VWA8: variants seen among roughly 807,000 people sequenced by gnomAD.
VWA8 encodes the protein von Willebrand factor A domain-containing protein 8.
VWA8 carries 221 observed loss-of-function variants against 241.5 expected under a neutral mutation model. That is an observed-to-expected ratio of 0.91 (90% CI 0.82 to 1.02). The LOEUF is 1.02. Among genes scored for constraint, VWA8 ranks in the 50% least tolerant of loss-of-function variants. The probability of loss-of-function intolerance (pLI) is 0.00; values close to 1 mark genes in which losing one functional copy is unlikely to be tolerated. For missense variants in VWA8, 2,322 were observed against 2,328.7 expected (o/e 1.00, Z 0.06); for synonymous variants, 852 against 827.1 (o/e 1.03, Z -0.52).
intron 12 of VWA8, among the ~76,000 whole-genome samples, chr13:41,852,237 T>C (rs140505772): frequency 4.6e-5 from 7 of 152,332 alleles, no homozygotes; most frequent in Middle Eastern, 3.4e-3. Context: ...AACAAGTATA[T>C]TTTAAAATGC....
chr13:41,721,287 A>T (rs2045387903), intron 25 of VWA8, 83 bp downstream of exon 25: 8 of 1,393,636 alleles, frequency 5.7e-6, no homozygotes, highest in Non-Finnish European at 7.9e-6. Flanking sequence ...TATGGAAATT[A>T]AAAACTCTGG....
At chr13:41,644,179 C>A (rs1201640080) in intron 37 of VWA8, among the ~76,000 whole-genome samples, 1 of 151,598 alleles carries the variant, frequency 6.6e-6, no homozygotes, top group African/African-American at 2.4e-5. Context: ...CAAGGTGAAC[C>A]CTCTTAGCTT....
At chr13:41,833,259 G>T in intron 13 of VWA8, 112 bp downstream of exon 13, 2 of 1,256,794 alleles carry the variant, frequency 1.6e-6, no homozygotes, top group Non-Finnish European at 1.0e-6. Context: ...GATTTTTCAG[G>T]ATCTACACAA....
chr13:41,737,212 T>C (rs942083835), intron 21 of VWA8, among the ~76,000 whole-genome samples: 8 of 152,244 alleles, frequency 5.3e-5, no homozygotes, highest in African/African-American at 1.7e-4. Flanking sequence ...CCTAACATCA[T>C]TGACTGAGAG....
chr13:41,717,139 C>T (rs976870239), intron 26 of VWA8, among the ~76,000 whole-genome samples: 5 of 151,856 alleles, frequency 3.3e-5, no homozygotes, highest in African/African-American at 1.2e-4. Flanking sequence ...ATTGCATATT[C>T]TGGCCTGGCC....
At chr13:41,784,725 TATATACACAC>T (rs367717341) in intron 18 of VWA8, among the ~76,000 whole-genome samples, 35 of 59,856 alleles carry the variant, frequency 5.8e-4, no homozygotes, top group East Asian at 1.1e-3. Context: ...TATATATATA[TATATACACAC>T]ACATATATAT....
Position 41,960,991 on chromosome 13 carries a change from C to A in VWA8, c.25G>T (p.Gly9Trp), listed in dbSNP as rs773219232. 1 of 1,395,584 alleles carries A rather than the reference C, an allele frequency of 7.2e-7. No homozygotes were observed. The highest frequency in any genetic ancestry group is 3.0e-5 in the East Asian group (1 of 32,804). The allele number at this position is 1,395,584 out of a possible 1,614,324, so 86.5% of individuals were successfully genotyped here. A position where few individuals can be genotyped will look rare whatever the true frequency, so the allele number is the denominator to read the frequency against. The change falls in exon 1 of 45, where the codon GGG becomes TGG. Residue 9 changes from glycine to tryptophan, a missense_variant. Coordinates refer to ENST00000379310, the MANE Select transcript of VWA8 (RefSeq NM_015058.2). The part of the protein sequence containing the change: MQSRLLLL[G>W]APGGHGGPAS... ...GGGCCGCCGTGGCCTCCGGGTGCCCCGAGGAGTAGAAGCCGGGATTGCATG... is the reference window on the plus strand; with the variant it reads ...GGGCCGCCGTGGCCTCCGGGTGCCCAGAGGAGTAGAAGCCGGGATTGCATG...
At chr13:41,933,443 T>C (rs1877215460) in intron 2 of VWA8, among the ~76,000 whole-genome samples, 1 of 152,110 alleles carries the variant, frequency 6.6e-6, no homozygotes, top group African/African-American at 2.4e-5. Context: ...GCTTTTTTGT[T>C]GTTTTATAAA....
In VWA8 at chr13:41,787,369, AATAAACAGCAT is replaced by A. The variant is rs569684313; in HGVS notation, c.2170+57_2170+67del. 4.2e-3 allele frequency: 5,422 copies of A among 1,299,348 alleles called. 22 individuals carry two copies. The highest frequency in any genetic ancestry group is 8.8e-3 in the Middle Eastern group (44 of 4,978). The allele number at this position is 1,299,348 out of a possible 1,614,324, so 80.5% of individuals were successfully genotyped here. On this transcript the variant is annotated intron_variant, in intron 18 of 44. Transcript: ENST00000379310. Reference sequence around the variant, plus strand: ...AACTGTTTATTTTAACTGGAATTAAAATAAACAGCATCAAATGTTTGTTAATTATTATTTCA... The same window carrying A: ...AACTGTTTATTTTAACTGGAATTAAACAAATGTTTGTTAATTATTATTTCA...
At position 41,833,458 on chromosome 13, in the gene VWA8, G is replaced by A. The variant is rs1871568456; in HGVS notation, c.1499C>T (p.Pro500Leu). ...PNGDTAWRSS[P>L]LVNAALEGKL... ...GCCTTCCAGAGCAGCATTCACAAGG[G>A]GTGAGGACCGCCAGGCAGTGTCTCC... Residue 500 changes from proline (P) to leucine (L), a missense_variant, in exon 13 of 45, where the codon CCC becomes CTC. Transcript: ENST00000379310. 6.2e-7 allele frequency: 1 copy of A among 1,613,950 alleles called. No individual in the cohort carries two copies. The highest frequency in any genetic ancestry group is 2.2e-5 in the East Asian group (1 of 44,858).
chr13:41,893,808 C>T (rs1874969477), intron 4 of VWA8, among the ~76,000 whole-genome samples: 1 of 152,128 alleles, frequency 6.6e-6, no homozygotes, highest in Non-Finnish European at 1.5e-5. Context: ...GACTTGAACC[C>T]AGGAGGCAGA....
chr13:41,957,419 T>C (rs955044111), intron 1 of VWA8, among the ~76,000 whole-genome samples: 1 of 152,148 alleles, frequency 6.6e-6, no homozygotes. Flanking sequence ...TCTTCATAAA[T>C]TACCCAGTCT....
intron 4 of VWA8, among the ~76,000 whole-genome samples, chr13:41,900,575 G>C (rs936899818): frequency 7.2e-5 from 11 of 152,134 alleles, no homozygotes; most frequent in Admixed American, 7.2e-4. Flanking sequence ...CTTCTGATTT[G>C]ATATAAGACC....
At chr13:41,801,547 C>T (rs893267883) in intron 17 of VWA8, among the ~76,000 whole-genome samples, 10 of 152,008 alleles carry the variant, frequency 6.6e-5, no homozygotes, top group Non-Finnish European at 1.5e-4. Flanking sequence ...TGAAAAGAGA[C>T]GAAATCTTTG....
intron 21 of VWA8, among the ~76,000 whole-genome samples, chr13:41,739,353 G>T (rs890655311): frequency 2.0e-5 from 3 of 152,126 alleles, no homozygotes; most frequent in Non-Finnish European, 2.9e-5. Context: ...AAACCTACCA[G>T]GGGAGTCACG....
At chr13:41,683,303 A>G (rs1280745831) in intron 35 of VWA8, among the ~76,000 whole-genome samples, 2 of 152,198 alleles carry the variant, frequency 1.3e-5, no homozygotes, top group African/African-American at 4.8e-5. Context: ...AAATAAATAA[A>G]TAAATGATTC....
chr13:41,830,471 A>G (rs1871398180), intron 14 of VWA8, 58 bp downstream of exon 14: 1 of 1,382,116 alleles, frequency 7.2e-7, no homozygotes, highest in African/African-American at 1.5e-5. Flanking sequence ...AAATCATAAA[A>G]AGTATTATTT....
At chr13:41,857,182 A>C (rs1488354829) in intron 12 of VWA8, among the ~76,000 whole-genome samples, 1 of 152,204 alleles carries the variant, frequency 6.6e-6, no homozygotes, top group African/African-American at 2.4e-5. Flanking sequence ...AAATGTGATA[A>C]GGGAAGAAAT....
intron 38 of VWA8, 73 bp downstream of exon 38, chr13:41,614,903 G>T: frequency 1.4e-6 from 2 of 1,439,390 alleles, no homozygotes; most frequent in East Asian, 2.3e-5. Context: ...GTCTTCTCAG[G>T]GGCGATGTGC....
Sources: allele counts gnomAD v4.1 joint callset (sites outside exome capture counted in the v4.1 genomes callset), GRCh38; gene constraint gnomAD v4.1.1; transcripts MANE v1.5; gene names NCBI Gene and HGNC (gene_info 2026-07-23, HGNC 2026-07-21).